ANKRD6: variants seen among roughly 807,000 people sequenced by gnomAD.
ANKRD6 encodes ankyrin repeat domain 6.
Under a neutral mutation model 82.3 loss-of-function variants are expected in ANKRD6, and 56 were observed. The observed-to-expected ratio is 0.68, with a 90% confidence interval of 0.55 to 0.85. The LOEUF (loss-of-function observed/expected upper bound fraction) is 0.85. Among genes scored for constraint, ANKRD6 ranks in the 40% least tolerant of loss-of-function variants. ANKRD6 has a pLI of 0.00. For missense variants in ANKRD6, 852 were observed against 907.6 expected (o/e 0.94, Z 0.79); for synonymous variants, 347 against 352.1 (o/e 0.99, Z 0.16).
intron 2 of ANKRD6, among the ~76,000 whole-genome samples, chr6:89,587,041 A>G (rs1256318675): frequency 1.3e-5 from 2 of 151,866 alleles, no homozygotes; most frequent in Admixed American, 1.3e-4. Context: ...ATACAAAAAA[A>G]CTAGCGGGGC....
At position 89,555,582 on chromosome 6, in the gene ANKRD6, C is replaced by A. The variant is rs1323502096; in HGVS notation, c.-143-11252C>A. On this transcript the variant is annotated intron_variant, in intron 1 of 15. Coordinates refer to ENST00000339746, the MANE Select transcript of ANKRD6 (RefSeq NM_001242809.2). Reference sequence around the variant, plus strand: ...TAGGAGAACCTTTAAGAGGAGGACGCCTTTGAATCAGGTATCTTTGAAGTC... The same window carrying A: ...TAGGAGAACCTTTAAGAGGAGGACGACTTTGAATCAGGTATCTTTGAAGTC... Among the ~76,000 whole-genome samples, 8 of 151,992 alleles carry A rather than the reference C, an allele frequency of 5.3e-5. No individual in the cohort carries two copies. The East Asian group carries it at 1.6e-3, about 29-fold the overall frequency.
At chr6:89,439,712 T>C (rs578225237) in intron 1 of ANKRD6, among the ~76,000 whole-genome samples, 1 of 152,322 alleles carries the variant, frequency 6.6e-6, no homozygotes, top group African/African-American at 2.4e-5. Context: ...TTTTTTTCTT[T>C]TTCCGAGACA....
At position 89,478,588 on chromosome 6, in the gene ANKRD6, G is replaced by A. The variant is rs1776360547; in HGVS notation, c.-144+45213G>A. ...TCTCTACTAAAAATACAAAAAATTAGCCAGGCGTGGTGGTGTGCACCTGTA... is the reference window on the plus strand; with the variant it reads ...TCTCTACTAAAAATACAAAAAATTAACCAGGCGTGGTGGTGTGCACCTGTA... On this transcript the variant is annotated intron_variant, in intron 1 of 15. Coordinates refer to ENST00000339746, the MANE Select transcript of ANKRD6 (RefSeq NM_001242809.2). Among the ~76,000 whole-genome samples, 2 of 151,364 alleles carry A rather than the reference G, an allele frequency of 1.3e-5. 1 individual carries two copies. The highest frequency in any genetic ancestry group is 4.2e-4 in the South Asian group (2 of 4,778).
At chr6:89,469,176 C>T (rs542489009) in intron 1 of ANKRD6, among the ~76,000 whole-genome samples, 4 of 152,330 alleles carry the variant, frequency 2.6e-5, no homozygotes, top group Non-Finnish European at 5.9e-5. Flanking sequence ...ATAATCAACT[C>T]AATCTTGTCT....
At chr6:89,577,769 A>G (rs887294038) in intron 2 of ANKRD6, among the ~76,000 whole-genome samples, 50 of 152,318 alleles carry the variant, frequency 3.3e-4, no homozygotes, top group African/African-American at 1.1e-3. Flanking sequence ...GTGAGCCATG[A>G]TTGTGCCACT....
At chr6:89,581,235 C>T (rs747620136) in intron 2 of ANKRD6, among the ~76,000 whole-genome samples, 5 of 152,174 alleles carry the variant, frequency 3.3e-5, no homozygotes, top group Non-Finnish European at 5.9e-5. Context: ...TGTTAATCTC[C>T]TGCCCTTACA....
At chr6:89,514,723 C>A (rs910725085) in intron 1 of ANKRD6, among the ~76,000 whole-genome samples, 1 of 152,036 alleles carries the variant, frequency 6.6e-6, no homozygotes, top group African/African-American at 2.4e-5. Flanking sequence ...TGATTATATA[C>A]CTAGAATTGG....
chr6:89,497,670 G>C (rs990754502), intron 1 of ANKRD6, among the ~76,000 whole-genome samples: 9 of 151,944 alleles, frequency 5.9e-5, no homozygotes, highest in African/African-American at 2.2e-4. Context: ...CTCTCTCTCT[G>C]TGTATCTGTG....
At chr6:89,483,177 T>C (rs1776993138) in intron 1 of ANKRD6, among the ~76,000 whole-genome samples, 1 of 152,222 alleles carries the variant, frequency 6.6e-6, no homozygotes, top group Non-Finnish European at 1.5e-5. Flanking sequence ...CACAGTGTCC[T>C]TGGATGACTT....
chr6:89,618,153 T>G (rs748837651), intron 9 of ANKRD6, 122 bp downstream of exon 9: 9 of 1,138,506 alleles, frequency 7.9e-6, no homozygotes, highest in Non-Finnish European at 1.2e-5. Flanking sequence ...AACCAGGCAG[T>G]GGAGGTATAG....
At chr6:89,577,907 G>A (rs1791500567) in intron 2 of ANKRD6, among the ~76,000 whole-genome samples, 1 of 152,224 alleles carries the variant, frequency 6.6e-6, no homozygotes, top group African/African-American at 2.4e-5. Flanking sequence ...GTTGTTTTAT[G>A]CAAGTTTGGT....
chr6:89,462,396 T>C (rs543667982), intron 1 of ANKRD6, among the ~76,000 whole-genome samples: 1 of 152,252 alleles, frequency 6.6e-6, no homozygotes, highest in East Asian at 1.9e-4. Context: ...AACAGTTTTT[T>C]CCAGACATGT....
At chr6:89,462,870 T>G (rs998481432) in intron 1 of ANKRD6, among the ~76,000 whole-genome samples, 1 of 151,198 alleles carries the variant, frequency 6.6e-6, no homozygotes, top group Non-Finnish European at 1.5e-5. Context: ...TTTTAGTTTT[T>G]TTTTTTTTTT....
intron 1 of ANKRD6, among the ~76,000 whole-genome samples, chr6:89,498,451 T>C (rs1391344963): frequency 1.3e-5 from 2 of 152,152 alleles, no homozygotes; most frequent in African/African-American, 4.8e-5. Flanking sequence ...ATCTGCTAGG[T>C]CTGTAATATA....
intron 1 of ANKRD6, among the ~76,000 whole-genome samples, chr6:89,531,693 T>C (rs1221373314): frequency 6.6e-6 from 1 of 152,264 alleles, no homozygotes; most frequent in Non-Finnish European, 1.5e-5. Flanking sequence ...TCTTTGATCT[T>C]ATATCCCATG....
intron 1 of ANKRD6, among the ~76,000 whole-genome samples, chr6:89,520,275 GCA>G (rs1218406039): frequency 6.6e-6 from 1 of 152,202 alleles, no homozygotes; most frequent in Non-Finnish European, 1.5e-5. Context: ...GTGAAGCACT[GCA>G]CTCAGCAGCC....
intron 1 of ANKRD6, among the ~76,000 whole-genome samples, chr6:89,453,234 T>C (rs902920425): frequency 6.6e-6 from 1 of 152,166 alleles, no homozygotes; most frequent in Non-Finnish European, 1.5e-5. Flanking sequence ...TAATAATCAG[T>C]GGGAAAAATT....
At chr6:89,449,517 T>A (rs1298312501) in intron 1 of ANKRD6, among the ~76,000 whole-genome samples, 1 of 152,216 alleles carries the variant, frequency 6.6e-6, no homozygotes, top group Non-Finnish European at 1.5e-5. Context: ...AGGCTCATGT[T>A]TGCATGGCTG....
At chr6:89,581,471 C>G (rs1409655068) in intron 2 of ANKRD6, 1 of 152,364 alleles carries the variant, frequency 6.6e-6, no homozygotes, top group Non-Finnish European at 1.5e-5. Flanking sequence ...GCCAGTGGTA[C>G]ACTGGGCTCC....
Sources: gnomAD v4.1 joint callset for allele counts (sites outside exome capture counted in the v4.1 genomes callset) on GRCh38, gnomAD v4.1.1 for gene constraint, MANE v1.5 for transcripts, NCBI Gene and HGNC (gene_info 2026-07-23, HGNC 2026-07-21) for gene names.